The following ADCY9 variants were observed in gnomAD, a reference collection of about 807,000 sequenced individuals.
The protein encoded by ADCY9 is adenylate cyclase 9, also known as adenylate cyclase type 9.
Under a neutral mutation model 101.5 loss-of-function variants are expected in ADCY9, and 50 were observed. The observed-to-expected ratio is 0.49, with a 90% CI of 0.39 to 0.62. ADCY9 has a LOEUF of 0.62. Ranked by LOEUF, ADCY9 falls within the 20% of genes least tolerant of loss-of-function variation. The pLI is 0.00. For missense variants in ADCY9, 1,662 were observed against 1,800.4 expected, an observed-to-expected ratio of 0.92 and a Z score of 1.39; for synonymous variants, 905 against 769.3, an observed-to-expected ratio of 1.18 and a Z score of -2.92.
chr16:4,070,929 A>G (rs2056829749), intron 2 of ADCY9, among the ~76,000 whole-genome samples: 1 of 151,674 alleles, frequency 6.6e-6, no homozygotes, highest in Non-Finnish European at 1.5e-5. Flanking sequence ...TCTTGGCAAC[A>G]GAGAGAGTCT....
intron 3 of ADCY9, among the ~76,000 whole-genome samples, chr16:4,005,849 T>C (rs534403217): frequency 1.1e-4 from 16 of 152,298 alleles, no homozygotes; most frequent in Admixed American, 2.6e-4. Context: ...CAGCTCAGTT[T>C]GCAGGCTGGA....
chr16:4,095,591 T>C (rs2056998604), intron 2 of ADCY9, among the ~76,000 whole-genome samples: 1 of 152,194 alleles, frequency 6.6e-6, no homozygotes, highest in African/African-American at 2.4e-5. Flanking sequence ...AATGTTCACA[T>C]GGGAACTGAA....
At chr16:3,997,864 C>G (rs1355325955) in intron 3 of ADCY9, among the ~76,000 whole-genome samples, 1 of 152,004 alleles carries the variant, frequency 6.6e-6, no homozygotes, top group South Asian at 2.1e-4. Context: ...GAGGCTGAGG[C>G]GGGTGGATCA....
chr16:4,019,441 T>A (rs1427759000), intron 2 of ADCY9, among the ~76,000 whole-genome samples: 1 of 152,184 alleles, frequency 6.6e-6, no homozygotes, highest in Non-Finnish European at 1.5e-5. Flanking sequence ...ATTGAAGTTG[T>A]GGACTCAATG....
intron 2 of ADCY9, among the ~76,000 whole-genome samples, chr16:4,009,077 C>T (rs1256064027): frequency 6.6e-6 from 1 of 152,184 alleles, no homozygotes; most frequent in Non-Finnish European, 1.5e-5. Context: ...ATCACTTCAC[C>T]TCCCTCTCTC....
Position 3,993,480 on chromosome 16 carries a change from G to A in ADCY9, c.1915C>T (p.Pro639Ser), listed in dbSNP as rs1361670996. ...CCCTCGGCGCCGGCTTCAGATTTGG[G>A]AGCAAATGTGATTCCGCACGAAGGG... ...TCPSCGITFAPKSEAGAEGGA... is the reference protein window; with the variant it reads ...TCPSCGITFASKSEAGAEGGA... Residue 639 changes from proline (P) to serine (S), a missense_variant, in exon 4 of 11, where the codon CCC (proline) becomes TCC (serine). By Grantham distance (74) the Pro-to-Ser change is moderately conservative. Around this residue, in one of 5 missense-constraint regions of ADCY9, gnomAD observed 624 missense variants for 639.1 expected, o/e 0.98. Transcript: ENST00000294016. The A allele has an allele frequency of 1.9e-6, 3 of 1,614,048 alleles. No individual in the cohort carries two copies. In the African/African-American group the frequency reaches 4.0e-5, roughly 22 times the overall value.
At chr16:4,097,487 T>TATACACAC (rs76750792) in intron 2 of ADCY9, among the ~76,000 whole-genome samples, 902 of 72,166 alleles carry the variant, frequency 0.012, 16 homozygotes, top group East Asian at 0.033. Flanking sequence ...TATATATATA[T>TATACACAC]ACACACACAC....
At chr16:4,083,024 T>C (rs1288648421) in intron 2 of ADCY9, among the ~76,000 whole-genome samples, 1 of 151,972 alleles carries the variant, frequency 6.6e-6, no homozygotes, top group African/African-American at 2.4e-5. Context: ...AGGGAAGACA[T>C]CTCCCACGTG....
At chr16:3,972,043 C>A (rs961965568) in intron 10 of ADCY9, among the ~76,000 whole-genome samples, 2 of 152,142 alleles carry the variant, frequency 1.3e-5, no homozygotes. Flanking sequence ...CCATCACACA[C>A]AGCATGTGCA....
In ADCY9 at chr16:4,110,336, G is replaced by A. The variant is rs542032970; in HGVS notation, c.1693+3414C>T. ...AGCTGGGCTTTCCCAAAGGCGGAAA[G>A]TAGCAGCTCAGGGCAGTTTTGCAAT... On this transcript the variant is annotated intron_variant, in intron 2 of 10. Coordinates refer to ENST00000294016, the MANE Select transcript of ADCY9 (RefSeq NM_001116.4). Among the ~76,000 whole-genome samples the A allele has an allele frequency of 4.2e-3, 631 of 149,486 alleles. 4 individuals are homozygous for A. The highest frequency in any genetic ancestry group is 0.015 in the African/African-American group (603 of 40,886).
At chr16:3,957,021 G>A (rs1324235697) in intron 5 of ADCY9, among the ~76,000 whole-genome samples, 2 of 152,152 alleles carry the variant, frequency 1.3e-5, no homozygotes, top group African/African-American at 4.8e-5. Context: ...GGAGGGAGAA[G>A]GGGGAAAATA....
chr16:3,954,737 T>A (rs1314882336), intron 5 of ADCY9, among the ~76,000 whole-genome samples: 1 of 151,840 alleles, frequency 6.6e-6, no homozygotes, highest in Non-Finnish European at 1.5e-5. Flanking sequence ...AACACTGGAG[T>A]CCACACAGGG....
At chr16:4,014,796 T>C (rs1458136809) in intron 2 of ADCY9, among the ~76,000 whole-genome samples, 2 of 137,136 alleles carry the variant, frequency 1.5e-5, no homozygotes, top group Non-Finnish European at 3.2e-5. Context: ...TCTCTCTCCC[T>C]CCCGCTTCCC....
At chr16:4,016,491 G>C (rs575074034) in intron 2 of ADCY9, among the ~76,000 whole-genome samples, 1 of 152,150 alleles carries the variant, frequency 6.6e-6, no homozygotes, top group East Asian at 1.9e-4. Context: ...AGGGACGGGG[G>C]TCCCAGACCG....
chr16:3,961,652 C>A (rs192680370), downstream of ADCY9, among the ~76,000 whole-genome samples: 69 of 152,230 alleles, frequency 4.5e-4, no homozygotes, highest in Middle Eastern at 3.4e-3. Context: ...AGTCCATGAG[C>A]AACCACCAGA....
intron 3 of ADCY9, among the ~76,000 whole-genome samples, chr16:4,001,740 TTTTTTTTTTTTATTG>T (rs1200136097): frequency 9.7e-3 from 15 of 1,550 alleles, no homozygotes; most frequent in South Asian, 0.33. Context: ...GTAGAGATGG[TTTTTTTTTTTTATTG>T]TTTTTTTTTT....
At position 3,979,138 on chromosome 16, in the gene ADCY9, G is replaced by A; in HGVS notation, c.2657C>T (p.Ser886Phe). 6.2e-7 allele frequency: 1 copy of A among 1,614,206 alleles called. No individual in the cohort carries two copies. The highest frequency in any genetic ancestry group is 2.2e-5 in the East Asian group (1 of 44,880). ...PALAVYSHVT[S>F]EYETNIHFPV... ...TACGTGTATGTTGGTCTCATATTCG[G>A]AGGTGACATGGGAGTAGACGGCCAG... Residue 886 changes from serine to phenylalanine, a missense_variant, in exon 8 of 11, where the codon TCC (serine) becomes TTC (phenylalanine). Coordinates refer to ENST00000294016, the MANE Select transcript of ADCY9 (RefSeq NM_001116.4).
chr16:4,036,431 A>T (rs1308225419), intron 2 of ADCY9, among the ~76,000 whole-genome samples: 1 of 150,422 alleles, frequency 6.6e-6, no homozygotes, highest in Admixed American at 6.7e-5. Context: ...CATCACTCAA[A>T]TACAATACAT....
downstream of ADCY9, among the ~76,000 whole-genome samples, chr16:3,958,091 A>G (rs935992832): frequency 1.3e-5 from 2 of 152,098 alleles, no homozygotes; most frequent in Admixed American, 6.5e-5. Context: ...TGGGTCCCCA[A>G]CCATCGGCTC....
Sources: allele counts gnomAD v4.1 joint callset (sites outside exome capture counted in the v4.1 genomes callset), GRCh38; gene constraint gnomAD v4.1.1; regional missense constraint gnomAD v4.1.1; transcripts MANE v1.5; gene names NCBI Gene and HGNC (gene_info 2026-07-23, HGNC 2026-07-21).